GPNMB: variants seen among roughly 807,000 people sequenced by gnomAD.
GPNMB encodes the protein transmembrane glycoprotein NMB.
A neutral mutation model predicts 57.3 loss-of-function variants in GPNMB; 71 were observed. The ratio of observed to expected loss-of-function variants is 1.24; its 90% CI spans 1.02 to 1.51. GPNMB has a LOEUF of 1.51. GPNMB is among the 40% of genes most tolerant of loss of function. GPNMB has a pLI of 0.00. For synonymous variants in GPNMB, 253 were observed against 263.2 expected (o/e 0.96, Z 0.38); for missense variants, 677 against 691.9 (o/e 0.98, Z 0.24).
intron 3 of GPNMB, among the ~76,000 whole-genome samples, chr7:23,255,570 C>T (rs1206465174): frequency 6.6e-6 from 1 of 152,120 alleles, no homozygotes; most frequent in Non-Finnish European, 1.5e-5. Context: ...ATATTCCCAG[C>T]AGTGAGATTG....
At chr7:23,263,765 C>T (rs562397646) in intron 6 of GPNMB, among the ~76,000 whole-genome samples, 23 of 152,074 alleles carry the variant, frequency 1.5e-4, no homozygotes, top group African/African-American at 4.8e-4. Context: ...TTAGGGAGAG[C>T]GAGGAGGGAC....
At chr7:23,249,581 A>T (rs75629737) in intron 1 of GPNMB, among the ~76,000 whole-genome samples, 5,097 of 152,258 alleles carry the variant, frequency 0.033, 242 homozygotes, top group East Asian at 0.12. Context: ...TGCTTTTTTT[A>T]AAACCCAACA....
At chr7:23,265,521 T>C (rs986892618) in intron 6 of GPNMB, among the ~76,000 whole-genome samples, 1 of 152,212 alleles carries the variant, frequency 6.6e-6, no homozygotes, top group African/African-American at 2.4e-5. Context: ...TTTTCAAAAA[T>C]GTCTTGTATT....
chr7:23,275,028 G>A lies in GPNMB; in HGVS notation c.*804G>A, dbSNP rs941247156. On this transcript the variant is annotated 3_prime_UTR_variant, in exon 11 of 11. Coordinates refer to ENST00000258733, the MANE Select transcript of GPNMB (RefSeq NM_002510.3). ...ATCAGTAAGGATTTCACCTCTGTTT[G>A]TAACTAAAACCATCTACTATATGTT... 5.3e-5 allele frequency: 8 copies of A among 151,970 alleles called. No individual in the cohort carries two copies. Among genetic ancestry groups the A allele is most frequent in the Non-Finnish European group, 7.4e-5 (5 of 68,000 alleles). The allele number at this position is 151,970 out of a possible 1,614,324, so 9.4% of individuals were successfully genotyped here.
intron 9 of GPNMB, chr7:23,273,209 C>A: frequency 4.1e-6 from 1 of 246,534 alleles, no homozygotes; most frequent in African/African-American, 2.4e-5. Context: ...GGAGGCACGG[C>A]CGCCTGATCA....
intron 2 of GPNMB, among the ~76,000 whole-genome samples, chr7:23,253,941 T>G (rs1339371514): frequency 6.6e-6 from 1 of 152,232 alleles, no homozygotes; most frequent in Non-Finnish European, 1.5e-5. Context: ...CATAGGTAAA[T>G]GTTCTTGCTG....
At chr7:23,255,814 C>T (rs1019915008) in intron 3 of GPNMB, among the ~76,000 whole-genome samples, 2 of 152,138 alleles carry the variant, frequency 1.3e-5, no homozygotes, top group Admixed American at 6.5e-5. Flanking sequence ...TACATGCATA[C>T]AATTTATGGT....
chr7:23,257,312 C>A, intron 4 of GPNMB: 1 of 589,958 alleles, frequency 1.7e-6, no homozygotes, highest in South Asian at 2.2e-5. Context: ...TTCAAAAAAA[C>A]AAAACCACTT....
At position 23,257,026 on chromosome 7, in the gene GPNMB, T is replaced by C; in HGVS notation, c.502T>C (p.Trp168Arg). The change falls in exon 4 of 11, where the codon TGG becomes CGG. Residue 168 changes from tryptophan to arginine, a missense_variant. Transcript: ENST00000258733. Reference protein sequence around the residue: ...DGKPFPHHPGWRRWNFIYVFH... With the variant: ...DGKPFPHHPGRRRWNFIYVFH... ...GAAACCTTTTCCTCACCACCCCGGATGGAGAAGATGGAATTTCATCTACGT... is the reference window on the plus strand; with the variant it reads ...GAAACCTTTTCCTCACCACCCCGGACGGAGAAGATGGAATTTCATCTACGT... The C allele has an allele frequency of 6.2e-7, 1 of 1,614,196 alleles. No homozygotes were observed. The highest frequency in any genetic ancestry group is 8.5e-7 in the Non-Finnish European group (1 of 1,179,988).
At chr7:23,260,394 G>C (rs755375726) in intron 5 of GPNMB, 62 bp from the exon 6 acceptor site, 1 of 1,313,536 alleles carries the variant, frequency 7.6e-7, no homozygotes, top group Non-Finnish European at 1.1e-6. Flanking sequence ...CATCGTCGAA[G>C]CCCTCCACTT....
At position 23,260,840 on chromosome 7, in the gene GPNMB, A is replaced by T. The variant is rs1782905614; in HGVS notation, c.1018+67A>T. 3 of 1,210,246 alleles carry T rather than the reference A, an allele frequency of 2.5e-6. No homozygotes were observed. In the South Asian group the frequency reaches 4.8e-5, roughly 20 times the overall value. The allele number at this position is 1,210,246 out of a possible 1,614,324, so 75.0% of individuals were successfully genotyped here. A position where few individuals can be genotyped will look rare whatever the true frequency, so the allele number is the denominator to read the frequency against. On this transcript the variant is annotated intron_variant, in intron 6 of 10. Coordinates refer to ENST00000258733, the MANE Select transcript of GPNMB (RefSeq NM_002510.3). The stretch of plus-strand genomic sequence containing the variant: ...CTAACAAAATATTCACGCAGGTCAT[A>T]TTATTAAATCCCTCCTTAAGGGGAT...
chr7:23,266,950 C>T (rs1397063413), intron 7 of GPNMB, among the ~76,000 whole-genome samples: 8 of 152,220 alleles, frequency 5.3e-5, no homozygotes. Context: ...CCTACAACTT[C>T]CACTGTCTTC....
chr7:23,273,257 C>G (rs186794113), intron 9 of GPNMB: 4 of 379,030 alleles, frequency 1.1e-5, no homozygotes, highest in Non-Finnish European at 1.4e-5. Context: ...CTGGGTCACC[C>G]AAGACCTGAG....
chr7:23,253,427 G>A lies in GPNMB; in HGVS notation c.191G>A (p.Arg64Gln), dbSNP rs199840471. The A allele has an allele frequency of 1.3e-4, 215 of 1,613,900 alleles. 1 individual carries two copies. Among genetic ancestry groups the A allele is most frequent in the South Asian group, 8.8e-4 (80 of 91,030 alleles). The change falls in exon 2 of 11, where the codon CGG (arginine) becomes CAG (glutamine). Residue 64 changes from arginine (R) to glutamine (Q), a missense_variant. By Grantham distance (43) the Arg-to-Gln change is conservative. Coordinates refer to ENST00000258733, the MANE Select transcript of GPNMB (RefSeq NM_002510.3). ...WNEKLYPVWK[R>Q]GDMRWKNSWK... is the part of the protein sequence containing the mutation. ...GAAAAACTCTACCCAGTGTGGAAGC[G>A]GGGAGACATGAGGTGGAAAAACTCC...
chr7:23,258,459 A>T lies in GPNMB; in HGVS notation c.541+1394A>T, dbSNP rs552631978. 8.5e-5 allele frequency among the ~76,000 whole-genome samples: 13 copies of T among 152,340 alleles called. 1 individual carries two copies. The South Asian group carries it at 2.7e-3, about 32-fold the overall frequency. Reference sequence around the variant, plus strand: ...AGCCAACTCACCAAACATTTCTTTGACTTGTCACTCTCATGACAGAATTCT... The same window carrying T: ...AGCCAACTCACCAAACATTTCTTTGTCTTGTCACTCTCATGACAGAATTCT... On this transcript the variant is annotated intron_variant, in intron 4 of 10. Transcript: ENST00000258733.
In GPNMB at chr7:23,257,044, A is replaced by T; in HGVS notation, c.520A>T (p.Ile174Phe). 1 of 1,614,186 alleles carries T rather than the reference A, an allele frequency of 6.2e-7. No homozygotes were observed. Among genetic ancestry groups the T allele is most frequent in the Non-Finnish European group, 8.5e-7 (1 of 1,179,982 alleles). Residue 174 changes from isoleucine (I) to phenylalanine (F), a missense_variant, in exon 4 of 11, where the codon ATC (isoleucine) becomes TTC (phenylalanine). Transcript: ENST00000258733. ...CCCCGGATGGAGAAGATGGAATTTC[A>T]TCTACGTCTTCCACACACTTGGTTG... Reference protein sequence around the residue: ...HHPGWRRWNFIYVFHTLGQYF... With the variant: ...HHPGWRRWNFFYVFHTLGQYF...
At chr7:23,267,148 T>G (rs995489919) in intron 7 of GPNMB, among the ~76,000 whole-genome samples, 3 of 152,334 alleles carry the variant, frequency 2.0e-5, no homozygotes, top group African/African-American at 7.2e-5. Flanking sequence ...CAGTGTCCCC[T>G]GAGTCCAAGC....
intron 6 of GPNMB, among the ~76,000 whole-genome samples, chr7:23,261,597 C>G (rs182666738): frequency 3.3e-5 from 5 of 152,080 alleles, no homozygotes; most frequent in African/African-American, 1.2e-4. Flanking sequence ...CACTTGGACA[C>G]AGGGCGGGGA....
chr7:23,252,096 T>C, intron 1 of GPNMB, among the ~76,000 whole-genome samples: 1 of 151,274 alleles, frequency 6.6e-6, no homozygotes, highest in Admixed American at 6.6e-5. Flanking sequence ...ACAAAGTAAG[T>C]GAAAGAGGTA....
Sources: allele counts gnomAD v4.1 joint callset (sites outside exome capture counted in the v4.1 genomes callset), GRCh38; gene constraint gnomAD v4.1.1; transcripts MANE v1.5; gene names NCBI Gene and HGNC (gene_info 2026-07-23, HGNC 2026-07-21).